The following TMEM154 variants were observed in gnomAD, a reference collection of about 807,000 sequenced individuals.
TMEM154 encodes the protein transmembrane protein 154.
A neutral mutation model predicts 24.5 loss-of-function variants in TMEM154; 27 were observed. That is an observed-to-expected ratio of 1.10 (90% CI 0.81 to 1.52). The LOEUF (loss-of-function observed/expected upper bound fraction) is 1.52. Ranked by LOEUF, TMEM154 falls within the 40% of genes most tolerant of loss-of-function variation. The probability of loss-of-function intolerance (pLI) is 0.00; values close to 1 mark genes in which losing one functional copy is unlikely to be tolerated. For synonymous variants in TMEM154, 67 were observed against 76.8 expected (o/e 0.87, Z 0.67); for missense variants, 228 against 213.4 (o/e 1.07, Z -0.43).
At chr4:152,644,521 T>C (rs774836794) in intron 3 of TMEM154, 79 bp from the exon 4 acceptor site, 380 of 1,418,082 alleles carry the variant, frequency 2.7e-4, no homozygotes, top group Non-Finnish European at 3.3e-4. Flanking sequence ...AGCTGAAGTC[T>C]CCTTTACAAA....
intron 1 of TMEM154, among the ~76,000 whole-genome samples, chr4:152,673,582 T>A (rs1579539821): frequency 6.6e-6 from 1 of 152,256 alleles, no homozygotes; most frequent in South Asian, 2.1e-4. Flanking sequence ...ATTACAGTCC[T>A]GAGCCACCAT....
At chr4:152,643,510 G>A (rs958799557) in intron 4 of TMEM154, among the ~76,000 whole-genome samples, 1 of 152,216 alleles carries the variant, frequency 6.6e-6, no homozygotes, top group Admixed American at 6.5e-5. Flanking sequence ...CCGGGGAGTT[G>A]CCATATGAAG....
At chr4:152,634,180 C>T (rs1264998710) in intron 6 of TMEM154, among the ~76,000 whole-genome samples, 1 of 152,010 alleles carries the variant, frequency 6.6e-6, no homozygotes, top group Admixed American at 6.6e-5. Context: ...GGGCATGCTA[C>T]CAGTTAAATA....
rs999298520 is a variant in TMEM154 at position 152,626,805 on chromosome 4, A to C, written c.*1741T>G. 25 of 152,182 alleles carry C rather than the reference A, an allele frequency of 1.6e-4. No individual in the cohort carries two copies. The highest frequency in any genetic ancestry group is 6.0e-4 in the African/African-American group (25 of 41,440). 9.4% of individuals were successfully genotyped at this position (152,182 alleles called of 1,614,324 possible). On this transcript the variant is annotated 3_prime_UTR_variant, in exon 7 of 7. Coordinates refer to ENST00000304385, the MANE Select transcript of TMEM154 (RefSeq NM_152680.3). The stretch of plus-strand genomic sequence containing the variant: ...GAGAGTCAAAATGTTGATGAGAAAC[A>C]AACTGAAAGTAGCACACATAGGCAG...
chr4:152,645,795 C>T (rs571074993), intron 3 of TMEM154, among the ~76,000 whole-genome samples: 1 of 152,278 alleles, frequency 6.6e-6, no homozygotes, highest in Admixed American at 6.5e-5. Context: ...TCCAGGAAAG[C>T]TGGGCACAGA....
intron 5 of TMEM154, chr4:152,641,280 A>C: frequency 3.0e-6 from 1 of 338,248 alleles, no homozygotes. Context: ...AAAAGCTAGA[A>C]TCTGCATGTC....
At position 152,624,072 on chromosome 4, in the gene TMEM154, A is replaced by T. The variant is rs535361570; in HGVS notation, c.*4474T>A. 2 of 152,332 alleles carry T rather than the reference A, an allele frequency of 1.3e-5. No homozygotes were observed. Among genetic ancestry groups the T allele is most frequent in the South Asian group, 4.1e-4 (2 of 4,826 alleles). The allele number at this position is 152,332 out of a possible 1,614,324, so 9.4% of individuals were successfully genotyped here. On this transcript the variant is annotated 3_prime_UTR_variant, in exon 7 of 7. Coordinates refer to ENST00000304385, the MANE Select transcript of TMEM154 (RefSeq NM_152680.3). ...AAGCCCATCCACCTTTGTCTTAAAC[A>T]GGTCTACATTGTACTTCTAAACTTG...
intron 1 of TMEM154, among the ~76,000 whole-genome samples, chr4:152,654,026 C>T (rs1019933231): frequency 4.8e-5 from 7 of 147,268 alleles, no homozygotes; most frequent in African/African-American, 1.0e-4. Flanking sequence ...GCAACAAGAG[C>T]GACACTCCAT....
At chr4:152,645,528 G>A (rs1376221439) in intron 3 of TMEM154, among the ~76,000 whole-genome samples, 1 of 152,222 alleles carries the variant, frequency 6.6e-6, no homozygotes, top group Non-Finnish European at 1.5e-5. Flanking sequence ...ATGAGGCAAT[G>A]ATGTTGAGTG....
chr4:152,672,297 A>C (rs937063931), intron 1 of TMEM154, among the ~76,000 whole-genome samples: 3 of 152,102 alleles, frequency 2.0e-5, no homozygotes, highest in Non-Finnish European at 4.4e-5. Flanking sequence ...TGGTGTAAGG[A>C]GTGAGAAAAG....
chr4:152,665,747 G>A (rs1728705943), intron 1 of TMEM154, among the ~76,000 whole-genome samples: 1 of 149,914 alleles, frequency 6.7e-6, no homozygotes, highest in Non-Finnish European at 1.5e-5. Context: ...TAGTCTTACA[G>A]TTTCTGATGT....
intron 1 of TMEM154, among the ~76,000 whole-genome samples, chr4:152,679,114 A>C (rs752791529): frequency 1.3e-5 from 2 of 152,240 alleles, no homozygotes; most frequent in African/African-American, 4.8e-5. Context: ...TGCTTGTTGT[A>C]GCAACTGGCA....
At chr4:152,671,714 T>G (rs1728841524) in intron 1 of TMEM154, among the ~76,000 whole-genome samples, 1 of 106,790 alleles carries the variant, frequency 9.4e-6, no homozygotes, top group Admixed American at 1.5e-4. Flanking sequence ...GCCACTGCAC[T>G]CCAGCCTGGG....
rs1729028510 is a variant in TMEM154, at chr4:152,679,905, A to C, written c.29T>G (p.Phe10Cys). 1 of 1,611,256 alleles carries C rather than the reference A, an allele frequency of 6.2e-7. No individual in the cohort carries two copies. The highest frequency in any genetic ancestry group is 1.3e-5 in the African/African-American group (1 of 75,042). ...GGGAACGAGCGCGATCACCAGGGCG[A>C]AGACTAGGGCTGCGCGGGGAGCCTG... The part of the protein sequence containing the change: MQAPRAALV[F>C]ALVIALVPVG... The change falls in exon 1 of 7, where the codon TTC (phenylalanine) becomes TGC (cysteine). Residue 10 changes from phenylalanine (F) to cysteine (C), a missense_variant. Coordinates refer to ENST00000304385, the MANE Select transcript of TMEM154 (RefSeq NM_152680.3).
chr4:152,643,984 C>T (rs931370623), intron 4 of TMEM154, among the ~76,000 whole-genome samples: 1 of 151,652 alleles, frequency 6.6e-6, no homozygotes, highest in African/African-American at 2.4e-5. Flanking sequence ...TCTCTCCCAT[C>T]CCTGGGGGTT....
chr4:152,645,460 C>T (rs1685752008), intron 3 of TMEM154, among the ~76,000 whole-genome samples: 1 of 152,156 alleles, frequency 6.6e-6, no homozygotes, highest in Non-Finnish European at 1.5e-5. Flanking sequence ...GAATTGGAGC[C>T]TGATGTCCCA....
In TMEM154 at chr4:152,618,932, C is replaced by T. The variant is rs921456004; in HGVS notation, c.*9614G>A. On this transcript the variant is annotated 3_prime_UTR_variant, in exon 7 of 7. Coordinates refer to ENST00000304385, the MANE Select transcript of TMEM154 (RefSeq NM_152680.3). Reference sequence around the variant, plus strand: ...AATGGTGATGGAAGATGAACAATACCATATTTGAGTTCTGCACTCACTGAT... The same window carrying T: ...AATGGTGATGGAAGATGAACAATACTATATTTGAGTTCTGCACTCACTGAT... The T allele has an allele frequency of 2.0e-5, 3 of 152,122 alleles. No individual in the cohort carries two copies. The highest frequency in any genetic ancestry group is 4.4e-5 in the Non-Finnish European group (3 of 68,020). 9.4% of individuals were successfully genotyped at this position (152,122 alleles called of 1,614,324 possible). A position where few individuals can be genotyped will look rare whatever the true frequency, so the allele number is the denominator to read the frequency against.
chr4:152,648,331 T>A (rs7678110), intron 3 of TMEM154, among the ~76,000 whole-genome samples: 80,455 of 151,158 alleles, frequency 0.53, 21,497 homozygotes, highest in African/African-American at 0.6. Context: ...AAACGTTTTT[T>A]AAAAATGTCA....
chr4:152,661,171 G>A (rs1728592537), intron 1 of TMEM154, among the ~76,000 whole-genome samples: 1 of 152,082 alleles, frequency 6.6e-6, no homozygotes, highest in Non-Finnish European at 1.5e-5. Context: ...AGTTCTCTCT[G>A]CAATGTCCCC....
Sources: gnomAD v4.1 joint callset for allele counts (sites outside exome capture counted in the v4.1 genomes callset) on GRCh38, gnomAD v4.1.1 for gene constraint, MANE v1.5 for transcripts, NCBI Gene and HGNC (gene_info 2026-07-23, HGNC 2026-07-21) for gene names.